Variants in OR8B3 observed in about 807,000 individuals in gnomAD.
OR8B3 encodes olfactory receptor family 8 subfamily B member 3.
For synonymous variants in OR8B3, 102 were observed against 135.4 expected, an observed-to-expected ratio of 0.75 and a Z score of 1.71; for missense variants, 278 against 377.6, an observed-to-expected ratio of 0.74 and a Z score of 2.19.
chr11:124,399,964 G>C (rs1860962920), upstream of OR8B3, among the ~76,000 whole-genome samples: 1 of 150,778 alleles, frequency 6.6e-6, no homozygotes, highest in Non-Finnish European at 1.5e-5. Context: ...AGGTTCAATA[G>C]ATCTTCCCAC....
the OR8B3 span, among the ~76,000 whole-genome samples, chr11:124,405,614 A>G: frequency 6.6e-6 from 1 of 152,236 alleles, no homozygotes; most frequent in African/African-American, 2.4e-5. Flanking sequence ...GACAAGCTGT[A>G]AGAGTTCTTT....
chr11:124,396,145 G>A lies in OR8B3; in HGVS notation c.*265C>T, dbSNP rs1180963768. 2 of 352,746 alleles carry A rather than the reference G, an allele frequency of 5.7e-6. No individual in the cohort carries two copies. Among genetic ancestry groups the A allele is most frequent in the East Asian group, 1.0e-4 (2 of 19,488 alleles). 21.9% of individuals were successfully genotyped at this position (352,746 alleles called of 1,614,324 possible). A position where few individuals can be genotyped will look rare whatever the true frequency, so the allele number is the denominator to read the frequency against. ...ATGTCCAATTAAGAACAGCCCAGGA[G>A]AGAGGAAGGATATAAAATGATAATG... On this transcript the variant is annotated 3_prime_UTR_variant, in exon 2 of 2. Transcript: ENST00000641139.
chr11:124,401,010 T>C (rs1429170868), upstream of OR8B3, among the ~76,000 whole-genome samples: 1 of 152,194 alleles, frequency 6.6e-6, no homozygotes, highest in African/African-American at 2.4e-5. Flanking sequence ...GCAATGCTTT[T>C]TCCAGAATTT....
At position 124,396,538 on chromosome 11, in the gene OR8B3, C is replaced by T. The variant is rs767497064; in HGVS notation, c.814G>A (p.Val272Ile). 6.2e-7 allele frequency: 1 copy of T among 1,613,942 alleles called. No individual in the cohort carries two copies. The highest frequency in any genetic ancestry group is 8.5e-7 in the Non-Finnish European group (1 of 1,179,948). Residue 272 changes from valine (V) to isoleucine (I), a missense_variant, in exon 2 of 2, where the codon GTT becomes ATT. Transcript: ENST00000641139. ...YSSGSMEQGK[V>I]SSVFYTNVVP... ...ACATTAGTGTAGAAAACAGAAGAAA[C>T]TTTTCCCTGCTCCATAGATCCAGAA...
upstream of OR8B3, among the ~76,000 whole-genome samples, chr11:124,401,222 CAGAGAGAG>C (rs3071311): frequency 2.1e-5 from 3 of 142,398 alleles, no homozygotes; most frequent in African/African-American, 2.7e-5. Flanking sequence ...TGCAAAGAGA[CAGAGAGAG>C]AGAGAGAGAG....
the OR8B3 span, among the ~76,000 whole-genome samples, chr11:124,407,352 A>AT: frequency 6.6e-6 from 1 of 152,010 alleles, no homozygotes; most frequent in Non-Finnish European, 1.5e-5. Context: ...AGTGAACTTC[A>AT]TTTTTTAGAA....
chr11:124,403,667 G>A (rs1434624301), upstream of OR8B3, among the ~76,000 whole-genome samples: 3 of 151,510 alleles, frequency 2.0e-5, no homozygotes, highest in Non-Finnish European at 2.9e-5. Context: ...CATCCCAGAC[G>A]ATGGGCGGCC....
the OR8B3 span, among the ~76,000 whole-genome samples, chr11:124,404,082 C>A: frequency 6.6e-6 from 1 of 152,130 alleles, no homozygotes; most frequent in Admixed American, 6.5e-5. Flanking sequence ...AGCTTCGGCT[C>A]GGCATCAGAG....
At chr11:124,406,493 C>G in the OR8B3 span, among the ~76,000 whole-genome samples, 997 of 152,204 alleles carry the variant, frequency 6.6e-3, 7 homozygotes, top group African/African-American at 0.023. Context: ...TTCAAAGTGT[C>G]CCAAACTGCA....
chr11:124,401,748 G>GAT (rs1238700519), upstream of OR8B3, among the ~76,000 whole-genome samples: 3 of 152,158 alleles, frequency 2.0e-5, no homozygotes, highest in Non-Finnish European at 2.9e-5. Context: ...TCTGATCTGG[G>GAT]ATACTTGGAC....
At chr11:124,402,517 G>A (rs2134213241), upstream of OR8B3, among the ~76,000 whole-genome samples, 1 of 152,274 alleles carries the variant, frequency 6.6e-6, no homozygotes, top group East Asian at 1.9e-4. Context: ...AGGGGGTGCT[G>A]GTGACACGGA....
rs1177082271 is a variant in OR8B3, at chr11:124,396,133, A to G, written c.*277T>C. 1 of 280,704 alleles carries G rather than the reference A, an allele frequency of 3.6e-6. No individual in the cohort carries two copies. Among genetic ancestry groups the G allele is most frequent in the Non-Finnish European group, 6.6e-6 (1 of 151,614 alleles). 17.4% of individuals were successfully genotyped at this position (280,704 alleles called of 1,614,324 possible). On this transcript the variant is annotated 3_prime_UTR_variant, in exon 2 of 2. Transcript: ENST00000641139. ...AATTTACCATATATGTCCAATTAAG[A>G]ACAGCCCAGGAGAGAGGAAGGATAT... is the stretch of plus-strand genomic sequence containing the variant.
At chr11:124,397,729 G>A (rs1032983584) in intron 1 of OR8B3, among the ~76,000 whole-genome samples, 5 of 149,840 alleles carry the variant, frequency 3.3e-5, no homozygotes, top group African/African-American at 9.8e-5. Flanking sequence ...GGAGTTTCAC[G>A]CTTGTTGCCC....
chr11:124,406,917 A>G, the OR8B3 span, among the ~76,000 whole-genome samples: 7,811 of 152,176 alleles, frequency 0.051, 249 homozygotes, highest in South Asian at 0.12. Context: ...CACAATTTTA[A>G]ACACTATTTA....
At chr11:124,400,478 A>G (rs941044764), upstream of OR8B3, among the ~76,000 whole-genome samples, 4 of 151,636 alleles carry the variant, frequency 2.6e-5, no homozygotes, top group African/African-American at 9.7e-5. Context: ...CCAACATCTC[A>G]TTCCCCTCAC....
At chr11:124,405,341 C>T in the OR8B3 span, among the ~76,000 whole-genome samples, 3 of 152,262 alleles carry the variant, frequency 2.0e-5, no homozygotes, top group East Asian at 5.8e-4. Context: ...GGTCTCTAAC[C>T]AGAGAAAACT....
chr11:124,400,222 A>C (rs1860969963), upstream of OR8B3, among the ~76,000 whole-genome samples: 1 of 152,154 alleles, frequency 6.6e-6, no homozygotes, highest in Non-Finnish European at 1.5e-5. Context: ...ATTAGTAATT[A>C]TTATATGTAT....
upstream of OR8B3, among the ~76,000 whole-genome samples, chr11:124,403,019 G>A (rs1240863121): frequency 6.6e-6 from 1 of 152,144 alleles, no homozygotes. Flanking sequence ...AGATTAGGGA[G>A]TGGTGATGAC....
chr11:124,401,483 A>G (rs192459500), upstream of OR8B3, among the ~76,000 whole-genome samples: 2 of 152,368 alleles, frequency 1.3e-5, no homozygotes, highest in Admixed American at 6.5e-5. Flanking sequence ...GTTTTCAATA[A>G]TTTGTACCAC....
Sources: allele counts gnomAD v4.1 joint callset (sites outside exome capture counted in the v4.1 genomes callset), GRCh38; gene constraint gnomAD v4.1.1; transcripts MANE v1.5; gene names NCBI Gene and HGNC (gene_info 2026-07-23, HGNC 2026-07-21).